SGCD: variants seen among roughly 807,000 people sequenced by gnomAD.
SGCD encodes the protein delta-sarcoglycan.
SGCD carries 18 observed loss-of-function variants against 36.6 expected under a neutral mutation model. The observed-to-expected ratio is 0.49, with a 90% CI of 0.34 to 0.73. The LOEUF (loss-of-function observed/expected upper bound fraction) is 0.73. Among genes scored for constraint, SGCD ranks in the 30% least tolerant of loss-of-function variants. The pLI, the probability that SGCD is intolerant of heterozygous loss-of-function variation, is 0.01. For synonymous variants in SGCD, 133 were observed against 130.6 expected, an observed-to-expected ratio of 1.02 and a Z score of -0.12; for missense variants, 387 against 346.7, an observed-to-expected ratio of 1.12 and a Z score of -0.92.
intron 3 of SGCD, among the ~76,000 whole-genome samples, chr5:156,497,774 A>G (rs1756262777): frequency 6.6e-6 from 1 of 152,140 alleles, no homozygotes; most frequent in Non-Finnish European, 1.5e-5. Context: ...AGAAAATATG[A>G]ACGAAGTTGA....
chr5:156,721,805 A>C (rs1192624986), intron 7 of SGCD, among the ~76,000 whole-genome samples: 1 of 152,190 alleles, frequency 6.6e-6, no homozygotes, highest in African/African-American at 2.4e-5. Flanking sequence ...GGACTGATGC[A>C]GAGTGAGTGG....
At chr5:156,088,793 G>A (rs32386) in intron 1 of SGCD, among the ~76,000 whole-genome samples, 66,912 of 151,996 alleles carry the variant, frequency 0.44, 15,211 homozygotes, top group African/African-American at 0.53. Flanking sequence ...ACTTATTTGT[G>A]GTTTTTCTTA....
intron 4 of SGCD, among the ~76,000 whole-genome samples, chr5:156,565,575 C>A (rs946411087): frequency 5.3e-5 from 8 of 151,964 alleles, no homozygotes; most frequent in African/African-American, 1.9e-4. Flanking sequence ...ACTTTAAGTT[C>A]TGGGATACAT....
chr5:156,317,254 G>A (rs188803753), intron 3 of SGCD, among the ~76,000 whole-genome samples: 519 of 152,246 alleles, frequency 3.4e-3, no homozygotes, highest in African/African-American at 0.012. Flanking sequence ...CTCGATGCAT[G>A]TTAGGTATGG....
At chr5:156,676,639 C>A (rs1175721094) in intron 7 of SGCD, among the ~76,000 whole-genome samples, 1 of 152,012 alleles carries the variant, frequency 6.6e-6, no homozygotes, top group African/African-American at 2.4e-5. Flanking sequence ...CTTGATGAGC[C>A]CTGGGGATAC....
intron 3 of SGCD, among the ~76,000 whole-genome samples, chr5:156,404,393 G>A (rs1016961511): frequency 6.6e-6 from 1 of 152,172 alleles, no homozygotes; most frequent in South Asian, 2.1e-4. Context: ...GCCAGAGCAA[G>A]GGGTTCACCT....
In SGCD at chr5:156,495,620, C is replaced by T. The variant is rs775464250; in HGVS notation, c.193-12981C>T. ...ATATCACTCAGGCCAGCATCTTAAT[C>T]GGACTTTACTGGTGGGAAGCACTCA... is the stretch of plus-strand genomic sequence containing the variant. On this transcript the variant is annotated intron_variant, in intron 3 of 8. Transcript: ENST00000337851. Among the ~76,000 whole-genome samples, 7 of 152,248 alleles carry T rather than the reference C, an allele frequency of 4.6e-5. No homozygotes were observed. In the South Asian group the frequency reaches 8.3e-4, roughly 18 times the overall value.
intron 3 of SGCD, among the ~76,000 whole-genome samples, chr5:156,422,364 CTCT>C (rs1196180774): frequency 1.3e-5 from 2 of 151,908 alleles, no homozygotes; most frequent in African/African-American, 4.8e-5. Flanking sequence ...CTGTGTTTGA[CTCT>C]TCTTTCTCAC....
At chr5:156,042,302 A>C (rs1364835760) in intron 1 of SGCD, among the ~76,000 whole-genome samples, 2 of 152,116 alleles carry the variant, frequency 1.3e-5, no homozygotes, top group Admixed American at 1.3e-4. Context: ...ACAAAACTGA[A>C]GAACTGAGAG....
At chr5:156,117,439 A>G (rs1761930868) in intron 1 of SGCD, among the ~76,000 whole-genome samples, 1 of 152,098 alleles carries the variant, frequency 6.6e-6, no homozygotes, top group South Asian at 2.1e-4. Flanking sequence ...GACTAGATGA[A>G]ATATCTTATA....
intron 3 of SGCD, among the ~76,000 whole-genome samples, chr5:156,355,330 A>G (rs900586960): frequency 6.6e-6 from 1 of 151,986 alleles, no homozygotes; most frequent in African/African-American, 2.4e-5. Context: ...CCATTTTAAT[A>G]TAAAAAGGAG....
At chr5:155,984,112 G>A (rs552869763) in intron 1 of SGCD, among the ~76,000 whole-genome samples, 1 of 152,292 alleles carries the variant, frequency 6.6e-6, no homozygotes, top group South Asian at 2.1e-4. Flanking sequence ...ATTTGCATTT[G>A]CGAAACATTT....
Position 156,392,278 on chromosome 5 carries a change from A to G in SGCD, c.192+47601A>G, listed in dbSNP as rs1459053090. Among the ~76,000 whole-genome samples the G allele has an allele frequency of 3.3e-5, 5 of 152,176 alleles. No individual in the cohort carries two copies. In the East Asian group the frequency reaches 9.6e-4, roughly 29 times the overall value. On this transcript the variant is annotated intron_variant, in intron 3 of 8. Coordinates refer to ENST00000337851, the MANE Select transcript of SGCD (RefSeq NM_000337.6). ...TGGTGAAGAATGGACGGGGTCTTCA[A>G]CCTCTTAGAGCCTACAGTCTGGTGG...
intron 3 of SGCD, among the ~76,000 whole-genome samples, chr5:156,279,436 T>C (rs1270046175): frequency 6.6e-6 from 1 of 152,182 alleles, no homozygotes; most frequent in African/African-American, 2.4e-5. Flanking sequence ...TTCTCCCAAA[T>C]TGGATCTTTA....
At chr5:156,286,320 C>T (rs1581219146) in intron 3 of SGCD, among the ~76,000 whole-genome samples, 1 of 152,286 alleles carries the variant, frequency 6.6e-6, no homozygotes, top group South Asian at 2.1e-4. Flanking sequence ...CATCCCATTA[C>T]TGGGTATATA....
intron 4 of SGCD, among the ~76,000 whole-genome samples, chr5:156,555,671 CTT>C (rs145138762): frequency 1.5e-5 from 2 of 135,488 alleles, no homozygotes; most frequent in South Asian, 2.3e-4. Context: ...CAAATTTGTT[CTT>C]TTTTTTTTTT....
chr5:155,878,851 A>G (rs569644969), intron 1 of SGCD, among the ~76,000 whole-genome samples: 2 of 152,290 alleles, frequency 1.3e-5, no homozygotes, highest in Middle Eastern at 3.4e-3. Context: ...CAAGAAACAA[A>G]TTCAATATTG....
chr5:156,271,242 T>C (rs1478417746), intron 3 of SGCD, among the ~76,000 whole-genome samples: 1 of 152,204 alleles, frequency 6.6e-6, no homozygotes, highest in African/African-American at 2.4e-5. Context: ...TGATCTGCCC[T>C]AAAACACCAT....
At chr5:156,743,834 TAAG>T (rs1256019547) in intron 7 of SGCD, among the ~76,000 whole-genome samples, 2 of 152,224 alleles carry the variant, frequency 1.3e-5, no homozygotes, top group Non-Finnish European at 2.9e-5. Flanking sequence ...CTGTTTCAGA[TAAG>T]AAGGAGCTTG....
Sources: gnomAD v4.1 joint callset for allele counts (sites outside exome capture counted in the v4.1 genomes callset) on GRCh38, gnomAD v4.1.1 for gene constraint, MANE v1.5 for transcripts, NCBI Gene and HGNC (gene_info 2026-07-23, HGNC 2026-07-21) for gene names.